The following POU6F2 variants were observed in gnomAD, a reference collection of about 807,000 sequenced individuals.
POU6F2 encodes the protein POU domain, class 6, transcription factor 2.
In POU6F2, 31 loss-of-function variants were observed where a neutral mutation model predicts 71.3. The ratio of observed to expected loss-of-function variants is 0.43; its 90% CI spans 0.33 to 0.59. The LOEUF (loss-of-function observed/expected upper bound fraction) is 0.59, where lower values mean the gene tolerates loss of function less well. POU6F2 is among the 20% of genes least tolerant of loss of function. POU6F2 has a pLI of 0.04. For synonymous variants in POU6F2, 347 were observed against 355.7 expected (o/e 0.98, Z 0.27); for missense variants, 783 against 856.8 (o/e 0.91, Z 1.07).
At chr7:39,280,998 T>C (rs1784553240) in intron 4 of POU6F2, among the ~76,000 whole-genome samples, 1 of 144,524 alleles carries the variant, frequency 6.9e-6, no homozygotes, top group Non-Finnish European at 1.5e-5. Flanking sequence ...CTTTGCTAGA[T>C]AAATGCATCT....
At chr7:39,236,456 A>G (rs1431008450) in intron 4 of POU6F2, among the ~76,000 whole-genome samples, 1 of 152,136 alleles carries the variant, frequency 6.6e-6, no homozygotes, top group Non-Finnish European at 1.5e-5. Context: ...TAGTTAAAGC[A>G]TCAGCCCCAA....
At chr7:39,362,924 T>C (rs1168887870) in intron 5 of POU6F2, among the ~76,000 whole-genome samples, 1 of 152,072 alleles carries the variant, frequency 6.6e-6, no homozygotes, top group Non-Finnish European at 1.5e-5. Context: ...GCAAGACCGG[T>C]ACAAAGTGGG....
chr7:39,321,112 G>T (rs1246691600), intron 4 of POU6F2, among the ~76,000 whole-genome samples: 1 of 144,510 alleles, frequency 6.9e-6, no homozygotes, highest in African/African-American at 2.5e-5. Context: ...ACAATATATT[G>T]TAATAAAAGT....
rs572644539 is a variant in POU6F2 at position 39,234,725 on chromosome 7, A to G, written c.598+27105A>G. 1.1e-4 allele frequency among the ~76,000 whole-genome samples: 17 copies of G among 152,324 alleles called. No homozygotes were observed. In the East Asian group the frequency reaches 2.7e-3, roughly 24 times the overall value. ...TCATAGGAGCGAACTACTATTTTAT[A>G]GGGACTGTTAGAAATTCATTTTCTA... On this transcript the variant is annotated intron_variant, in intron 4 of 9. Coordinates refer to ENST00000518318, the MANE Select transcript of POU6F2 (RefSeq NM_001370959.1).
chr7:39,137,727 C>T (rs1792415387), intron 2 of POU6F2, among the ~76,000 whole-genome samples: 1 of 152,164 alleles, frequency 6.6e-6, no homozygotes, highest in Non-Finnish European at 1.5e-5. Context: ...CAGAGATTCC[C>T]CAATAGCATT....
chr7:39,422,240 T>C (rs1166066475), intron 6 of POU6F2, among the ~76,000 whole-genome samples: 1 of 152,180 alleles, frequency 6.6e-6, no homozygotes, highest in Non-Finnish European at 1.5e-5. Flanking sequence ...ACAAATATAA[T>C]CAAAACGTAA....
rs1396698354 is a variant in POU6F2 at position 39,422,706 on chromosome 7, C to G, written c.1114-10371C>G. On this transcript the variant is annotated intron_variant, in intron 6 of 9. Transcript: ENST00000518318. Reference sequence around the variant, plus strand: ...TTCCACCATGTGCCTGCCATGTCTACTCTCCAGTGGGAAATCAGTGGCTTC... The same window carrying G: ...TTCCACCATGTGCCTGCCATGTCTAGTCTCCAGTGGGAAATCAGTGGCTTC... Among the ~76,000 whole-genome samples, 3 of 152,186 alleles carry G rather than the reference C, an allele frequency of 2.0e-5. No individual in the cohort carries two copies. The East Asian group carries it at 5.8e-4, about 29-fold the overall frequency.
intron 4 of POU6F2, among the ~76,000 whole-genome samples, chr7:39,240,378 C>A (rs920495142): frequency 6.6e-5 from 10 of 152,104 alleles, no homozygotes; most frequent in Non-Finnish European, 1.3e-4. Flanking sequence ...CCACTACTTG[C>A]TGGGTGACCT....
At chr7:39,190,631 C>CTTT (rs58654872) in intron 2 of POU6F2, among the ~76,000 whole-genome samples, 23 of 74,220 alleles carry the variant, frequency 3.1e-4, no homozygotes, top group South Asian at 5.7e-4. Context: ...GAGTCAACTT[C>CTTT]TTTTTTTTTT....
intron 5 of POU6F2, among the ~76,000 whole-genome samples, chr7:39,397,994 G>A (rs931607534): frequency 1.3e-5 from 2 of 151,384 alleles, no homozygotes; most frequent in Non-Finnish European, 2.9e-5. Flanking sequence ...AATTTCTTTT[G>A]TATTTTAGCA....
chr7:39,036,233 T>A (rs932671672), intron 1 of POU6F2, among the ~76,000 whole-genome samples: 1 of 152,144 alleles, frequency 6.6e-6, no homozygotes, highest in Non-Finnish European at 1.5e-5. Flanking sequence ...TCTAGACTTT[T>A]GTGCAGCAGG....
chr7:39,424,706 C>T (rs1450437700), intron 6 of POU6F2, among the ~76,000 whole-genome samples: 2 of 151,760 alleles, frequency 1.3e-5, no homozygotes, highest in African/African-American at 4.8e-5. Flanking sequence ...TCCTAAAGCT[C>T]GAGTGGAAAC....
At chr7:39,325,091 G>A (rs965631666) in intron 4 of POU6F2, among the ~76,000 whole-genome samples, 15 of 152,240 alleles carry the variant, frequency 9.9e-5, no homozygotes, top group African/African-American at 3.1e-4. Context: ...GCATTAACAC[G>A]AGTAACATTT....
chr7:38,996,298 C>T (rs1788738074), intron 1 of POU6F2, among the ~76,000 whole-genome samples: 1 of 151,788 alleles, frequency 6.6e-6, no homozygotes, highest in Non-Finnish European at 1.5e-5. Flanking sequence ...GCCTCGGCCT[C>T]CCACAGTGCT....
At chr7:39,219,992 G>A (rs1224091174) in intron 4 of POU6F2, among the ~76,000 whole-genome samples, 1 of 152,178 alleles carries the variant, frequency 6.6e-6, no homozygotes, top group African/African-American at 2.4e-5. Context: ...AGTTAATGCT[G>A]CTAACTTGCA....
intron 4 of POU6F2, among the ~76,000 whole-genome samples, chr7:39,285,368 A>G (rs930325898): frequency 2.6e-5 from 4 of 152,176 alleles, no homozygotes; most frequent in Non-Finnish European, 5.9e-5. Context: ...TATGGCCACC[A>G]TGCTCATCGT....
intron 7 of POU6F2, among the ~76,000 whole-genome samples, chr7:39,434,735 G>A (rs1231351627): frequency 6.6e-6 from 1 of 151,960 alleles, no homozygotes; most frequent in East Asian, 1.9e-4. Context: ...GTATATGTGT[G>A]CCATGGTGGT....
intron 1 of POU6F2, among the ~76,000 whole-genome samples, chr7:38,992,495 G>A (rs1055495876): frequency 3.3e-5 from 5 of 152,166 alleles, no homozygotes; most frequent in African/African-American, 1.2e-4. Context: ...GTGAAGAGGG[G>A]ACACGAGGTT....
intron 8 of POU6F2, among the ~76,000 whole-genome samples, chr7:39,456,778 T>C (rs1303454639): frequency 6.6e-6 from 1 of 152,228 alleles, no homozygotes; most frequent in African/African-American, 2.4e-5. Context: ...CTTTGTCCAA[T>C]GGACCATCAC....
Sources: gnomAD v4.1 joint callset for allele counts (sites outside exome capture counted in the v4.1 genomes callset) on GRCh38, gnomAD v4.1.1 for gene constraint, MANE v1.5 for transcripts, NCBI Gene and HGNC (gene_info 2026-07-23, HGNC 2026-07-21) for gene names.